The following ANKRD27 variants were observed in gnomAD, a reference collection of about 807,000 sequenced individuals.
ANKRD27 encodes ankyrin repeat domain 27.
In ANKRD27, 112 loss-of-function variants were observed where a neutral mutation model predicts 129.7. The ratio of observed to expected loss-of-function variants is 0.86; its 90% CI spans 0.74 to 1.01. ANKRD27 has a LOEUF of 1.01. Ranked by LOEUF, ANKRD27 falls within the 50% of genes least tolerant of loss-of-function variation. The pLI is 0.00. For synonymous variants in ANKRD27, 516 were observed against 511.2 expected (o/e 1.01, Z -0.13); for missense variants, 1,258 against 1,300.5 (o/e 0.97, Z 0.50).
At chr19:32,674,321 T>C (rs935096746) in intron 1 of ANKRD27, among the ~76,000 whole-genome samples, 5 of 152,160 alleles carry the variant, frequency 3.3e-5, no homozygotes, top group Non-Finnish European at 7.4e-5. Context: ...CCTCCAGCAC[T>C]GCCAGCAGCC....
intron 1 of ANKRD27, among the ~76,000 whole-genome samples, chr19:32,668,939 T>C (rs1967813327): frequency 6.6e-6 from 1 of 152,128 alleles, no homozygotes; most frequent in African/African-American, 2.4e-5. Context: ...GAAACTGAGA[T>C]GCAGCTGGCT....
At chr19:32,644,227 G>T in intron 5 of ANKRD27, 98 bp downstream of exon 5, 1 of 1,343,232 alleles carries the variant, frequency 7.4e-7, no homozygotes, top group Non-Finnish European at 1.0e-6. Flanking sequence ...CAAACAGTGA[G>T]GCAGCACCAG....
chr19:32,606,799 A>C (rs937601007), intron 23 of ANKRD27, among the ~76,000 whole-genome samples: 2 of 151,906 alleles, frequency 1.3e-5, no homozygotes, highest in African/African-American at 4.8e-5. Flanking sequence ...ATATACACAC[A>C]GTTTTCCTTA....
intron 10 of ANKRD27, among the ~76,000 whole-genome samples, chr19:32,641,201 G>A (rs1464858025): frequency 1.3e-5 from 2 of 150,264 alleles, no homozygotes; most frequent in African/African-American, 2.5e-5. Context: ...GCGCCCAGCC[G>A]ACCCTGTCTC....
intron 14 of ANKRD27, 151 bp downstream of exon 14, chr19:32,628,571 G>T: frequency 1.0e-6 from 1 of 978,908 alleles, no homozygotes; most frequent in Non-Finnish European, 1.5e-6. Flanking sequence ...CTCCAAAGGG[G>T]CAGCTGTTAT....
chr19:32,647,192 C>T (rs921888686), intron 3 of ANKRD27, among the ~76,000 whole-genome samples: 2 of 152,182 alleles, frequency 1.3e-5, no homozygotes, highest in Non-Finnish European at 2.9e-5. Flanking sequence ...CTTTCTTTGC[C>T]TTTCACGACA....
chr19:32,628,817 C>G lies in ANKRD27; in HGVS notation c.1242G>C (p.Glu414Asp). 6.2e-7 allele frequency: 1 copy of G among 1,614,180 alleles called. No homozygotes were observed. Among genetic ancestry groups the G allele is most frequent in the Non-Finnish European group, 8.5e-7 (1 of 1,180,036 alleles). ...HIASGNQKEV[E>D]RLLSQEDHDK... ...CATGGTCCTCTTGGCTCAGAAGTCT[C>G]TCCACTTCTTTCTGGTTACCTGATG... Residue 414 changes from glutamate to aspartate, a missense_variant, in exon 14 of 29, where the codon GAG (glutamate) becomes GAC (aspartate). Glu to Asp is a conservative substitution (Grantham distance 45). Coordinates refer to ENST00000306065, the MANE Select transcript of ANKRD27 (RefSeq NM_032139.3).
At chr19:32,631,219 A>G (rs915415567) in intron 13 of ANKRD27, among the ~76,000 whole-genome samples, 183 bp downstream of exon 13, 2 of 151,864 alleles carry the variant, frequency 1.3e-5, no homozygotes, top group African/African-American at 4.8e-5. Context: ...CTGTTGCACC[A>G]TGTTGGCCAC....
Position 32,604,299 on chromosome 19 carries a change from G to C in ANKRD27, c.2619C>G (p.Asn873Lys). Residue 873 changes from asparagine to lysine, a missense_variant, in exon 25 of 29, where the codon AAC becomes AAG. By Grantham distance (94) the Asn-to-Lys change is moderately conservative. Transcript: ENST00000306065. ...LLHGASVQVL[N>K]KRQRTAVDCA... ...AGTCTACAGCCGTGCGCTGCCGCTT[G>C]TTCAGCACCTGAACTGACGCTCCGT... 1 of 1,613,746 alleles carries C rather than the reference G, an allele frequency of 6.2e-7. No homozygotes were observed. The highest frequency in any genetic ancestry group is 8.5e-7 in the Non-Finnish European group (1 of 1,180,002).
intron 23 of ANKRD27, among the ~76,000 whole-genome samples, chr19:32,606,625 C>T (rs1320998507): frequency 6.6e-6 from 1 of 152,178 alleles, no homozygotes; most frequent in Admixed American, 6.6e-5. Context: ...ACCTTTCTAT[C>T]CTTTCTACCT....
intron 25 of ANKRD27, among the ~76,000 whole-genome samples, chr19:32,602,870 C>T (rs939184474): frequency 3.3e-5 from 5 of 151,820 alleles, no homozygotes; most frequent in African/African-American, 1.2e-4. Flanking sequence ...GCCTGGGCAA[C>T]AAATTGAGAC....
intron 1 of ANKRD27, chr19:32,673,346 G>A: frequency 3.0e-6 from 3 of 986,156 alleles, no homozygotes; most frequent in South Asian, 9.4e-5. Flanking sequence ...CAAGGCCTAC[G>A]GGCTGTGCCT....
chr19:32,603,320 T>G (rs1216298596), intron 25 of ANKRD27, among the ~76,000 whole-genome samples: 1 of 151,644 alleles, frequency 6.6e-6, no homozygotes. Flanking sequence ...GTCCATGGAG[T>G]GGATTGATGG....
intron 1 of ANKRD27, among the ~76,000 whole-genome samples, chr19:32,668,281 GTGCCACAA>G (rs1967798453): frequency 6.6e-6 from 1 of 152,044 alleles, no homozygotes; most frequent in Non-Finnish European, 1.5e-5. Context: ...GCCTCCTAAA[GTGCCACAA>G]TTACGGGTAT....
Position 32,631,474 on chromosome 19 carries a change from G to C in ANKRD27, c.1137C>G (p.Asp379Glu). Residue 379 changes from aspartate (D) to glutamate (E), a missense_variant, in exon 13 of 29, where the codon GAC becomes GAG. Coordinates refer to ENST00000306065, the MANE Select transcript of ANKRD27 (RefSeq NM_032139.3). ...AKPPESEGFGDRLFLKQRMSL... is the reference protein window; with the variant it reads ...AKPPESEGFGERLFLKQRMSL... ...TCATTCTCTGCTTAAGGAACAGCCT[G>C]TCTCCAAATCCCTCAGACTCCTGCA... The C allele has an allele frequency of 6.2e-7, 1 of 1,614,068 alleles. No homozygotes were observed. The highest frequency in any genetic ancestry group is 8.5e-7 in the Non-Finnish European group (1 of 1,179,994).
chr19:32,622,361 A>G, intron 18 of ANKRD27, 61 bp downstream of exon 18: 2 of 1,579,870 alleles, frequency 1.3e-6, no homozygotes, highest in South Asian at 2.2e-5. Context: ...GCCAAGACCT[A>G]AGCTACGGAC....
intron 12 of ANKRD27, among the ~76,000 whole-genome samples, chr19:32,633,660 A>G (rs1324731193): frequency 6.6e-6 from 1 of 151,792 alleles, no homozygotes; most frequent in East Asian, 1.9e-4. Flanking sequence ...TTTCATTCAC[A>G]AAGGTAACTC....
intron 1 of ANKRD27, chr19:32,673,467 C>T: frequency 1.0e-6 from 1 of 985,334 alleles, no homozygotes. Context: ...CCTGCACTCC[C>T]CACCAGGTGA....
chr19:32,625,307 T>C lies in ANKRD27; in HGVS notation c.1629+567A>G, dbSNP rs538882490. On this transcript the variant is annotated intron_variant, in intron 17 of 28. Coordinates refer to ENST00000306065, the MANE Select transcript of ANKRD27 (RefSeq NM_032139.3). ...AAACAGAAAATGTAAAAATTGAATA[T>C]GTACACAAGTAAGAACCAGACGGTA... Among the ~76,000 whole-genome samples the C allele has an allele frequency of 3.9e-5, 6 of 152,190 alleles. No individual in the cohort carries two copies. In the South Asian group the frequency reaches 1.0e-3, roughly 26 times the overall value.
Sources: gnomAD v4.1 joint callset for allele counts (sites outside exome capture counted in the v4.1 genomes callset) on GRCh38, gnomAD v4.1.1 for gene constraint, MANE v1.5 for transcripts, NCBI Gene and HGNC (gene_info 2026-07-23, HGNC 2026-07-21) for gene names.